The following SCEL variants were observed in gnomAD, a reference collection of about 807,000 sequenced individuals.
SCEL encodes sciellin.
Under a neutral mutation model 117.6 loss-of-function variants are expected in SCEL, and 113 were observed. That is an observed-to-expected ratio of 0.96 (90% CI 0.83 to 1.12). The LOEUF (loss-of-function observed/expected upper bound fraction) is 1.12, where lower values mean the gene tolerates loss of function less well. Among genes scored for constraint, SCEL ranks in the 50% most tolerant of loss-of-function variants. SCEL has a pLI of 0.00. For missense variants in SCEL, 785 were observed against 810.8 expected, an observed-to-expected ratio of 0.97 and a Z score of 0.39; for synonymous variants, 270 against 256.2, an observed-to-expected ratio of 1.05 and a Z score of -0.51.
chr13:77,564,198 T>G (rs1350189093), intron 5 of SCEL, among the ~76,000 whole-genome samples: 3 of 151,782 alleles, frequency 2.0e-5, no homozygotes, highest in South Asian at 2.1e-4. Flanking sequence ...TAGGTTTTTT[T>G]TTTTTTTTTT....
At chr13:77,565,260 T>C (rs1323790770) in intron 5 of SCEL, among the ~76,000 whole-genome samples, 2 of 152,174 alleles carry the variant, frequency 1.3e-5, no homozygotes, top group Non-Finnish European at 2.9e-5. Context: ...TTAAACTTTA[T>C]TGATGCCTTG....
At chr13:77,577,859 T>G (rs1436919569) in intron 9 of SCEL, among the ~76,000 whole-genome samples, 5 of 152,182 alleles carry the variant, frequency 3.3e-5, no homozygotes, top group Admixed American at 2.6e-4. Flanking sequence ...GCTGCTGTTT[T>G]GCTCAATAGC....
intron 9 of SCEL, among the ~76,000 whole-genome samples, chr13:77,585,851 T>C (rs2086535141): frequency 6.6e-6 from 1 of 152,160 alleles, no homozygotes; most frequent in Non-Finnish European, 1.5e-5. Flanking sequence ...CCCCTCTGAA[T>C]GATCTCCCAC....
chr13:77,605,321 T>G (rs1297471958), intron 19 of SCEL, among the ~76,000 whole-genome samples: 1 of 152,128 alleles, frequency 6.6e-6, no homozygotes, highest in East Asian at 1.9e-4. Context: ...GCCCTGTTTG[T>G]GTAGGTGTGG....
At chr13:77,609,235 A>G in intron 21 of SCEL, 118 bp downstream of exon 21, 1 of 806,632 alleles carries the variant, frequency 1.2e-6, no homozygotes, top group Non-Finnish European at 1.9e-6. Context: ...AAAGCCATGT[A>G]ACCCTGCTAC....
intron 9 of SCEL, among the ~76,000 whole-genome samples, chr13:77,588,324 A>G (rs1267159926): frequency 6.6e-6 from 1 of 152,196 alleles, no homozygotes; most frequent in Non-Finnish European, 1.5e-5. Context: ...CTGGCAATTC[A>G]GGCAGCCTGA....
At chr13:77,557,339 T>C (rs1337284193) in intron 3 of SCEL, among the ~76,000 whole-genome samples, 1 of 152,210 alleles carries the variant, frequency 6.6e-6, no homozygotes, top group African/African-American at 2.4e-5. Flanking sequence ...AATATAGATT[T>C]GCAATAGGTA....
chr13:77,569,476 C>G (rs1272470117), intron 8 of SCEL, 25 bp downstream of exon 8: 1 of 1,556,666 alleles, frequency 6.4e-7, no homozygotes, highest in Non-Finnish European at 8.9e-7. Context: ...CTGTGTCTAC[C>G]TCTTGCTGAT....
In SCEL at chr13:77,636,805, CTGT is replaced by C. The variant is rs2090299754; in HGVS notation, c.1764-314_1764-312del. ...GTATTTTCTTTATCTACTTTACATTCTGTGTAGCTTTCTTTAGTAAACAGATGA... is the reference window on the plus strand; with the variant it reads ...GTATTTTCTTTATCTACTTTACATTCGTAGCTTTCTTTAGTAAACAGATGA... On this transcript the variant is annotated intron_variant, in intron 29 of 32. Transcript: ENST00000349847. Among the ~76,000 whole-genome samples the C allele has an allele frequency of 3.9e-5, 6 of 152,130 alleles. No homozygotes were observed. The South Asian group carries it at 1.2e-3, about 32-fold the overall frequency.
At chr13:77,570,876 T>A (rs9544539) in intron 8 of SCEL, among the ~76,000 whole-genome samples, 15,598 of 151,944 alleles carry the variant, frequency 0.1, 1,331 homozygotes, top group East Asian at 0.44. Context: ...TTTCTTTTTT[T>A]TTGGAGTGTG....
chr13:77,576,722 T>C (rs1236043396), intron 9 of SCEL, among the ~76,000 whole-genome samples: 1 of 152,200 alleles, frequency 6.6e-6, no homozygotes, highest in African/African-American at 2.4e-5. Context: ...CTAAATTACT[T>C]TGGGCAGTAT....
intron 27 of SCEL, among the ~76,000 whole-genome samples, chr13:77,626,841 T>A (rs2089759639): frequency 6.6e-6 from 1 of 152,118 alleles, no homozygotes; most frequent in South Asian, 2.1e-4. Flanking sequence ...AAGTTTAGAA[T>A]GGTTGACTAA....
chr13:77,606,814 G>T (rs959252112), intron 19 of SCEL, among the ~76,000 whole-genome samples: 10 of 152,106 alleles, frequency 6.6e-5, no homozygotes, highest in African/African-American at 2.4e-4. Context: ...CCTTAATAGG[G>T]TCACAGAGTA....
chr13:77,563,939 T>C (rs771446347), intron 5 of SCEL, 40 bp downstream of exon 5: 2 of 1,271,088 alleles, frequency 1.6e-6, no homozygotes, highest in Admixed American at 5.2e-5. Context: ...ATGCATAACA[T>C]ATTAAATACA....
At chr13:77,562,636 T>C (rs150161807) in intron 4 of SCEL, among the ~76,000 whole-genome samples, 52 of 152,364 alleles carry the variant, frequency 3.4e-4, no homozygotes, top group Middle Eastern at 3.4e-3. Context: ...TCTTTGGATG[T>C]ACATACCTGA....
chr13:77,542,944 G>A (rs2083786946), intron 1 of SCEL, among the ~76,000 whole-genome samples: 1 of 152,112 alleles, frequency 6.6e-6, no homozygotes, highest in South Asian at 2.1e-4. Flanking sequence ...ACAAGTAGTG[G>A]TGGGGTTGGC....
intron 3 of SCEL, 118 bp downstream of exon 3, chr13:77,556,831 G>C: frequency 1.4e-6 from 1 of 737,870 alleles, no homozygotes; most frequent in Non-Finnish European, 2.3e-6. Context: ...TTTGTTGCAT[G>C]GTCTAATTTT....
intron 25 of SCEL, 43 bp downstream of exon 25, chr13:77,617,701 A>T: frequency 6.7e-7 from 1 of 1,499,216 alleles, no homozygotes. Flanking sequence ...GTCAGAAAGA[A>T]TATTAAGTTT....
intron 27 of SCEL, among the ~76,000 whole-genome samples, chr13:77,623,787 A>G (rs2089557657): frequency 6.6e-6 from 1 of 152,220 alleles, no homozygotes; most frequent in South Asian, 2.1e-4. Context: ...AGGATTATGC[A>G]GTATCTATAG....
Sources: gnomAD v4.1 joint callset for allele counts (sites outside exome capture counted in the v4.1 genomes callset) on GRCh38, gnomAD v4.1.1 for gene constraint, MANE v1.5 for transcripts, NCBI Gene and HGNC (gene_info 2026-07-23, HGNC 2026-07-21) for gene names.